Variants in AFF1 observed in about 807,000 individuals in gnomAD.
The protein encoded by AFF1 is AF4/FMR2 family member 1.
In AFF1, 48 loss-of-function variants were observed where a neutral mutation model predicts 121.7. The ratio of observed to expected loss-of-function variants is 0.39; its 90% CI spans 0.31 to 0.50. AFF1 has a LOEUF of 0.50. Ranked by LOEUF, AFF1 falls within the 20% of genes least tolerant of loss-of-function variation. AFF1 has a pLI of 0.76. For missense variants in AFF1, 1,523 were observed against 1,511.7 expected (o/e 1.01, Z -0.12); for synonymous variants, 613 against 563.0 (o/e 1.09, Z -1.26).
At chr4:87,091,866 C>G (rs755327655) in intron 7 of AFF1, 37 bp downstream of exon 7, 1 of 1,468,940 alleles carries the variant, frequency 6.8e-7, no homozygotes, top group Non-Finnish European at 9.3e-7. Context: ...GATTGGAGAA[C>G]AAAGCATAGC....
chr4:87,131,254 C>T (rs781059619), intron 17 of AFF1, 35 bp downstream of exon 17: 1 of 1,609,730 alleles, frequency 6.2e-7, no homozygotes, highest in Non-Finnish European at 8.5e-7. Context: ...CCTCTTAAGT[C>T]CTTTTCTTTC....
chr4:87,032,938 C>T (rs1373819995), intron 2 of AFF1, among the ~76,000 whole-genome samples: 1 of 152,194 alleles, frequency 6.6e-6, no homozygotes, highest in South Asian at 2.1e-4. Flanking sequence ...TGCTTGAGGC[C>T]AGGAGTTTGA....
At chr4:86,975,613 T>C (rs1046937653) in intron 2 of AFF1, among the ~76,000 whole-genome samples, 2 of 152,210 alleles carry the variant, frequency 1.3e-5, no homozygotes, top group Admixed American at 6.5e-5. Context: ...TCCCACATGC[T>C]GTGTGTTGAG....
chr4:86,940,537 C>G (rs187125458), intron 1 of AFF1, among the ~76,000 whole-genome samples: 11 of 152,172 alleles, frequency 7.2e-5, no homozygotes, highest in Middle Eastern at 3.4e-3. Flanking sequence ...TAGCTGGGAT[C>G]ACAGGCATGT....
At position 87,104,189 on chromosome 4, in the gene AFF1, T is replaced by C. The variant is rs568056492; in HGVS notation, c.1284-1439T>C. 3.9e-5 allele frequency among the ~76,000 whole-genome samples: 6 copies of C among 152,280 alleles called. No individual in the cohort carries two copies. The South Asian group carries it at 1.2e-3, about 32-fold the overall frequency. On this transcript the variant is annotated intron_variant, in intron 8 of 20. Coordinates refer to ENST00000395146, the MANE Select transcript of AFF1 (RefSeq NM_001166693.3). ...TAGGAGGCTGAGGTGGGCAGACCAC[T>C]TGAACCCGGAGCTCTAGACCAGCCT...
intron 1 of AFF1, among the ~76,000 whole-genome samples, chr4:86,943,323 G>A (rs1720601691): frequency 6.6e-6 from 1 of 150,528 alleles, no homozygotes; most frequent in African/African-American, 2.5e-5. Flanking sequence ...CTCTCCCAGG[G>A]GTAGATCTCT....
intron 5 of AFF1, among the ~76,000 whole-genome samples, chr4:87,086,444 G>A (rs367844872): frequency 2.4e-4 from 37 of 152,284 alleles, no homozygotes; most frequent in East Asian, 9.6e-4. Context: ...CCAGGATCAC[G>A]TTAGTGAATC....
intron 2 of AFF1, among the ~76,000 whole-genome samples, chr4:86,996,001 G>C (rs766170844): frequency 4.8e-5 from 5 of 104,524 alleles, no homozygotes; most frequent in African/African-American, 1.5e-4. Flanking sequence ...CCCGGCAGCC[G>C]CCCCGTCTGA....
rs1436016429 is a variant in AFF1 at position 86,950,235 on chromosome 4, G to C, written c.38+1664G>C. Reference sequence around the variant, plus strand: ...CTATTGTTGCCCCGGCTGGAGTGCAGTGCCATGATCTTGGCTCACTGCAAC... The same window carrying C: ...CTATTGTTGCCCCGGCTGGAGTGCACTGCCATGATCTTGGCTCACTGCAAC... On this transcript the variant is annotated intron_variant, in intron 2 of 20. Transcript: ENST00000395146. The C allele has an allele frequency of 6.6e-5, 62 of 940,528 alleles. 1 individual carries two copies. The Middle Eastern group carries it at 1.6e-3, about 24-fold the overall frequency. 58.3% of individuals were successfully genotyped at this position (940,528 alleles called of 1,614,324 possible). A position where few individuals can be genotyped will look rare whatever the true frequency, so the allele number is the denominator to read the frequency against.
intron 4 of AFF1, among the ~76,000 whole-genome samples, chr4:87,054,681 C>T (rs1221835198): frequency 2.0e-5 from 3 of 152,168 alleles, no homozygotes; most frequent in South Asian, 2.1e-4. Context: ...CTGGAGCAGA[C>T]GACTTCCAAA....
At chr4:87,128,264 C>A (rs1174915566) in intron 16 of AFF1, among the ~76,000 whole-genome samples, 1 of 152,218 alleles carries the variant, frequency 6.6e-6, no homozygotes, top group African/African-American at 2.4e-5. Context: ...AATGATTATA[C>A]TGTTGGTAAA....
chr4:87,060,878 C>CAAAA (rs1720716628), intron 4 of AFF1, among the ~76,000 whole-genome samples: 1 of 106,054 alleles, frequency 9.4e-6, no homozygotes, highest in Non-Finnish European at 2.2e-5. Context: ...CACAAAAAAA[C>CAAAA]AACAACAAAA....
In AFF1 at chr4:87,047,345, G is replaced by C; in HGVS notation, c.810G>C (p.Leu270Phe). The C allele has an allele frequency of 6.2e-7, 1 of 1,614,142 alleles. No homozygotes were observed. Among genetic ancestry groups the C allele is most frequent in the Non-Finnish European group, 8.5e-7 (1 of 1,180,022 alleles). ...ATAAAGAGACCCCTCAAGACAGTTT[G>C]GTGGCCCCTGCCCAGCCGCCTTCTC... is the stretch of plus-strand genomic sequence containing the variant. ...VHDKETPQDS[L>F]VAPAQPPSQT... The change falls in exon 4 of 21, where the codon TTG (leucine) becomes TTC (phenylalanine). Residue 270 changes from leucine (L) to phenylalanine (F), a missense_variant. Physicochemically the swap from Leu to Phe is conservative, Grantham distance 22. This residue lies in a region of AFF1 where 369 missense variants were observed against 367.2 expected (regional missense o/e 1.00). Transcript: ENST00000395146.
intron 11 of AFF1, among the ~76,000 whole-genome samples, chr4:87,108,865 C>G (rs1430128407): frequency 6.6e-6 from 1 of 152,152 alleles, no homozygotes; most frequent in Non-Finnish European, 1.5e-5. Flanking sequence ...TCCTTTCTGT[C>G]CCATGTAAAA....
intron 17 of AFF1, among the ~76,000 whole-genome samples, 166 bp downstream of exon 17, chr4:87,131,385 A>C (rs772208781): frequency 6.6e-6 from 1 of 152,244 alleles, no homozygotes. Flanking sequence ...TTCTAGATGA[A>C]GTGCTAGCAC....
At chr4:86,969,643 G>GCCT (rs1252261968) in intron 2 of AFF1, among the ~76,000 whole-genome samples, 12 of 151,092 alleles carry the variant, frequency 7.9e-5, no homozygotes, top group African/African-American at 2.9e-4. Flanking sequence ...CACTTAGGGA[G>GCCT]GCCGAGGCAG....
At chr4:86,948,328 T>G (rs1721015606) in intron 1 of AFF1, among the ~76,000 whole-genome samples, 170 bp from the exon 2 acceptor site, 1 of 152,172 alleles carries the variant, frequency 6.6e-6, no homozygotes, top group South Asian at 2.1e-4. Flanking sequence ...CAATTGGCCT[T>G]TGATATATAC....
In AFF1 at chr4:87,058,545, A is replaced by G. The variant is rs935833409; in HGVS notation, c.1059+10951A>G. 2.7e-5 allele frequency among the ~76,000 whole-genome samples: 4 copies of G among 150,414 alleles called. No individual in the cohort carries two copies. In the South Asian group the frequency reaches 6.3e-4, roughly 24 times the overall value. ...CCGCCCCCAAATCATAGCAGCCACCATTTGTCTCTTTCTGTTTAATCTCAC... is the reference window on the plus strand; with the variant it reads ...CCGCCCCCAAATCATAGCAGCCACCGTTTGTCTCTTTCTGTTTAATCTCAC... On this transcript the variant is annotated intron_variant, in intron 4 of 20. Transcript: ENST00000395146.
At chr4:87,059,596 G>C (rs17012334) in intron 4 of AFF1, among the ~76,000 whole-genome samples, 11 of 151,928 alleles carry the variant, frequency 7.2e-5, no homozygotes, top group Non-Finnish European at 1.3e-4. Flanking sequence ...AGATCAAGTC[G>C]TACTTTTTCA....
Sources: allele counts gnomAD v4.1 joint callset (sites outside exome capture counted in the v4.1 genomes callset), GRCh38; gene constraint gnomAD v4.1.1; regional missense constraint gnomAD v4.1.1; transcripts MANE v1.5; gene names NCBI Gene and HGNC (gene_info 2026-07-23, HGNC 2026-07-21).